RNGTT: variants seen among roughly 807,000 people sequenced by gnomAD.
The protein encoded by RNGTT is RNA guanylyltransferase and 5'-phosphatase, also known as mRNA-capping enzyme.
A neutral mutation model predicts 79.3 loss-of-function variants in RNGTT; 33 were observed. The ratio of observed to expected loss-of-function variants is 0.42; its 90% CI spans 0.32 to 0.56. The LOEUF (loss-of-function observed/expected upper bound fraction) is 0.56, where lower values mean the gene tolerates loss of function less well. Among genes scored for constraint, RNGTT ranks in the 20% least tolerant of loss-of-function variants. The probability of loss-of-function intolerance (pLI) is 0.17; values close to 1 mark genes in which losing one functional copy is unlikely to be tolerated. For synonymous variants in RNGTT, 222 were observed against 235.9 expected (o/e 0.94, Z 0.54); for missense variants, 497 against 739.1 (o/e 0.67, Z 3.80).
chr6:88,880,867 C>T (rs1478707126), intron 8 of RNGTT, among the ~76,000 whole-genome samples: 2 of 152,108 alleles, frequency 1.3e-5, no homozygotes, highest in Admixed American at 6.5e-5. Flanking sequence ...AATTGCATTA[C>T]AAAATCTGCT....
In RNGTT at chr6:88,904,839, G is replaced by T. The variant is rs758108155; in HGVS notation, c.560C>A (p.Pro187His). 6.2e-7 allele frequency: 1 copy of T among 1,613,944 alleles called. No homozygotes were observed. The highest frequency in any genetic ancestry group is 1.3e-5 in the African/African-American group (1 of 74,880). ...CTCAAAACACCAATCTGGCAATAGA[G>T]GTGGGGGTGGTGCTTCCTCTATGTC... Reference protein sequence around the residue: ...YGDIEEAPPPPLLPDWCFEDD... With the variant: ...YGDIEEAPPPHLLPDWCFEDD... Residue 187 changes from proline to histidine, a missense_variant, in exon 6 of 16, where the codon CCT becomes CAT. Pro to His is a moderately conservative substitution (Grantham distance 77). Around this residue, in one of 3 missense-constraint regions of RNGTT, gnomAD observed 440 missense variants for 671.5 expected, o/e 0.66. Coordinates refer to ENST00000369485, the MANE Select transcript of RNGTT (RefSeq NM_003800.5).
intron 13 of RNGTT, among the ~76,000 whole-genome samples, chr6:88,761,869 T>C (rs1778270203): frequency 6.6e-6 from 1 of 152,174 alleles, no homozygotes; most frequent in Non-Finnish European, 1.5e-5. Flanking sequence ...TTTGCTAAAG[T>C]GATTGTTCTG....
At chr6:88,730,911 C>T (rs561652559) in intron 13 of RNGTT, among the ~76,000 whole-genome samples, 1 of 152,160 alleles carries the variant, frequency 6.6e-6, no homozygotes, top group Non-Finnish European at 1.5e-5. Flanking sequence ...TCTTCTGTCT[C>T]ATCTAAGAGG....
At chr6:88,629,420 T>C (rs950443396) in intron 14 of RNGTT, among the ~76,000 whole-genome samples, 2 of 152,184 alleles carry the variant, frequency 1.3e-5, no homozygotes, top group Admixed American at 1.3e-4. Flanking sequence ...CATTTAGAAG[T>C]ATCTGATTGC....
intron 13 of RNGTT, among the ~76,000 whole-genome samples, chr6:88,745,414 C>T (rs2127827515): frequency 6.6e-6 from 1 of 152,266 alleles, no homozygotes; most frequent in Middle Eastern, 3.4e-3. Context: ...AGATGTTGCA[C>T]TCACAGTTAC....
chr6:88,846,358 A>T (rs1362217864), intron 10 of RNGTT, among the ~76,000 whole-genome samples: 1 of 152,240 alleles, frequency 6.6e-6, no homozygotes, highest in Non-Finnish European at 1.5e-5. Flanking sequence ...TATTACATAA[A>T]GAACTAAGTT....
chr6:88,883,439 T>A (rs1782755279), intron 8 of RNGTT, among the ~76,000 whole-genome samples: 1 of 152,126 alleles, frequency 6.6e-6, no homozygotes, highest in African/African-American at 2.4e-5. Flanking sequence ...AAAATAAGCC[T>A]TCTGTATATT....
intron 13 of RNGTT, among the ~76,000 whole-genome samples, chr6:88,700,087 G>C: frequency 6.6e-6 from 1 of 152,194 alleles, no homozygotes. Flanking sequence ...TGTCATGACA[G>C]AAAAAAGGTG....
intron 14 of RNGTT, among the ~76,000 whole-genome samples, chr6:88,667,991 C>T (rs189021948): frequency 6.0e-4 from 92 of 152,234 alleles, no homozygotes; most frequent in Non-Finnish European, 1.1e-3. Flanking sequence ...TCCCATATTA[C>T]GAGGACTTCC....
intron 12 of RNGTT, among the ~76,000 whole-genome samples, chr6:88,789,848 CCACTTTATATA>C (rs1374232345): frequency 6.6e-6 from 1 of 152,172 alleles, no homozygotes; most frequent in East Asian, 1.9e-4. Flanking sequence ...GACTTGTTCT[CCACTTTATATA>C]CACTCACCCT....
intron 14 of RNGTT, among the ~76,000 whole-genome samples, chr6:88,652,466 C>A (rs1308743632): frequency 6.6e-6 from 1 of 152,164 alleles, no homozygotes; most frequent in African/African-American, 2.4e-5. Context: ...TGGAATACAT[C>A]TCTTTATTCC....
At chr6:88,808,638 C>T (rs1010875777) in intron 11 of RNGTT, among the ~76,000 whole-genome samples, 3 of 152,110 alleles carry the variant, frequency 2.0e-5, no homozygotes, top group Non-Finnish European at 4.4e-5. Context: ...CAAGAACCAG[C>T]TGGATGTATG....
intron 11 of RNGTT, among the ~76,000 whole-genome samples, chr6:88,828,289 C>T (rs1024394044): frequency 2.0e-5 from 3 of 152,174 alleles, no homozygotes; most frequent in Non-Finnish European, 2.9e-5. Context: ...AGCAGAGCTG[C>T]AGAAGAGGGG....
chr6:88,663,984 C>A lies in RNGTT; in HGVS notation c.1506+14369G>T, dbSNP rs181761796. Among the ~76,000 whole-genome samples, 256 of 152,308 alleles carry A rather than the reference C, an allele frequency of 1.7e-3. 1 individual carries two copies. The highest frequency in any genetic ancestry group is 5.8e-3 in the African/African-American group (241 of 41,578). Reference sequence around the variant, plus strand: ...TAACCCCACTTGGGCTGATTGCCACCAGTTGCTCATGTACCTCTTTAACAC... The same window carrying A: ...TAACCCCACTTGGGCTGATTGCCACAAGTTGCTCATGTACCTCTTTAACAC... On this transcript the variant is annotated intron_variant, in intron 14 of 15. Transcript: ENST00000369485.
At chr6:88,627,673 T>C (rs1772683026) in intron 14 of RNGTT, among the ~76,000 whole-genome samples, 1 of 152,108 alleles carries the variant, frequency 6.6e-6, no homozygotes, top group Non-Finnish European at 1.5e-5. Context: ...CTCCTTTTAA[T>C]CTTCTAAACT....
intron 12 of RNGTT, among the ~76,000 whole-genome samples, chr6:88,781,103 C>T (rs947224459): frequency 5.3e-5 from 8 of 152,086 alleles, no homozygotes; most frequent in African/African-American, 1.9e-4. Context: ...GCTGAGAAAA[C>T]CTGATGTAAA....
At chr6:88,823,210 T>TAAGGTCAGGA (rs1335621614) in intron 11 of RNGTT, among the ~76,000 whole-genome samples, 1 of 152,112 alleles carries the variant, frequency 6.6e-6, no homozygotes, top group Non-Finnish European at 1.5e-5. Flanking sequence ...GTGGGTAACC[T>TAAGGTCAGGA]AAGGTCAGGA....
intron 11 of RNGTT, among the ~76,000 whole-genome samples, chr6:88,815,421 G>A (rs1301768577): frequency 1.3e-5 from 2 of 152,072 alleles, no homozygotes; most frequent in African/African-American, 2.4e-5. Context: ...AGTTTTGTGG[G>A]TCATACCAGT....
At chr6:88,739,712 G>T in intron 13 of RNGTT, among the ~76,000 whole-genome samples, 1 of 85,990 alleles carries the variant, frequency 1.2e-5, no homozygotes, top group African/African-American at 4.0e-5. Flanking sequence ...CCGTGTAACT[G>T]GTGTGAAAAA....
Sources: allele counts gnomAD v4.1 joint callset (sites outside exome capture counted in the v4.1 genomes callset), GRCh38; gene constraint gnomAD v4.1.1; regional missense constraint gnomAD v4.1.1; transcripts MANE v1.5; gene names NCBI Gene and HGNC (gene_info 2026-07-23, HGNC 2026-07-21).